Variants in CORO2B observed in about 807,000 individuals in gnomAD.
The protein encoded by CORO2B is coronin-2B.
Under a neutral mutation model 58.8 loss-of-function variants are expected in CORO2B, and 26 were observed. That is an observed-to-expected ratio of 0.44 (90% CI 0.32 to 0.61). The LOEUF (loss-of-function observed/expected upper bound fraction) is 0.61. Among genes scored for constraint, CORO2B ranks in the 20% least tolerant of loss-of-function variants. The pLI is 0.04. For synonymous variants in CORO2B, 242 were observed against 253.8 expected, an observed-to-expected ratio of 0.95 and a Z score of 0.44; for missense variants, 460 against 645.1, an observed-to-expected ratio of 0.71 and a Z score of 3.11.
At chr15:68,708,511 C>G (rs1417480979) in intron 3 of CORO2B, among the ~76,000 whole-genome samples, 1 of 151,888 alleles carries the variant, frequency 6.6e-6, no homozygotes, top group Admixed American at 6.6e-5. Context: ...CAGGTGCCTG[C>G]CACTACGCCT....
intron 2 of CORO2B, among the ~76,000 whole-genome samples, chr15:68,653,912 G>A (rs72748524): frequency 0.027 from 4,046 of 150,798 alleles, 99 homozygotes; most frequent in Middle Eastern, 0.049. Context: ...TGAGGTCTCC[G>A]CCCCTCCAAG....
rs761573119 is a variant in CORO2B at position 68,726,003 on chromosome 15, A to C, written c.*29A>C. ...CCCAGCTGGGCTGTTTTCTAAGCCG[A>C]TCTCTCCGTCGTTTCTACTCATCCC... On this transcript the variant is annotated 3_prime_UTR_variant, in exon 12 of 12. Transcript: ENST00000261861. 2 of 1,610,242 alleles carry C rather than the reference A, an allele frequency of 1.2e-6. No homozygotes were observed. The highest frequency in any genetic ancestry group is 1.7e-6 in the Non-Finnish European group (2 of 1,179,862).
intron 1 of CORO2B, among the ~76,000 whole-genome samples, chr15:68,624,068 G>A (rs1474279690): frequency 6.6e-6 from 1 of 152,140 alleles, no homozygotes; most frequent in Non-Finnish European, 1.5e-5. Context: ...GGGTCCTGCT[G>A]TCTTGAGCAG....
the CORO2B span, among the ~76,000 whole-genome samples, chr15:68,558,089 G>T: frequency 6.6e-6 from 1 of 152,164 alleles, no homozygotes. Context: ...AGGGAGGGTG[G>T]GTGCGGGCAG....
At chr15:68,581,012 T>A (rs1365838395) in intron 1 of CORO2B, among the ~76,000 whole-genome samples, 1 of 152,194 alleles carries the variant, frequency 6.6e-6, no homozygotes, top group Non-Finnish European at 1.5e-5. Flanking sequence ...TCTCAATCTA[T>A]GGCCAGTGAT....
rs184998759 is a variant in CORO2B at position 68,597,453 on chromosome 15, A to C, written c.15+18176A>C. On this transcript the variant is annotated intron_variant, in intron 1 of 11. Coordinates refer to ENST00000261861, the MANE Select transcript of CORO2B (RefSeq NM_006091.5). ...CTGTTATGCCCATTCTGTGAAACTG[A>C]GGCTCCAAGGGGTTAAGCAGCATGC... is the stretch of plus-strand genomic sequence containing the variant. 1.8e-4 allele frequency among the ~76,000 whole-genome samples: 27 copies of C among 152,194 alleles called. 1 individual carries two copies. Among genetic ancestry groups the C allele is most frequent in the Admixed American group, 1.6e-3 (25 of 15,296 alleles).
intron 2 of CORO2B, among the ~76,000 whole-genome samples, chr15:68,672,008 T>A (rs1902411668): frequency 6.6e-6 from 1 of 152,152 alleles, no homozygotes; most frequent in African/African-American, 2.4e-5. Context: ...TGTGCCCAGC[T>A]TTTTTGGAAG....
At chr15:68,601,757 G>A (rs11857348) in intron 1 of CORO2B, among the ~76,000 whole-genome samples, 1 of 152,248 alleles carries the variant, frequency 6.6e-6, no homozygotes, top group African/African-American at 2.4e-5. Flanking sequence ...CTGGGGCTTA[G>A]TGGTGCTGGG....
chr15:68,623,874 C>T (rs1246239832), intron 1 of CORO2B, among the ~76,000 whole-genome samples: 1 of 152,178 alleles, frequency 6.6e-6, no homozygotes, highest in Non-Finnish European at 1.5e-5. Context: ...AGCAGCTTCT[C>T]TCTGCAGCTG....
At chr15:68,711,467 A>T (rs1892915458) in intron 4 of CORO2B, 75 bp from the exon 5 acceptor site, 2 of 1,378,340 alleles carry the variant, frequency 1.5e-6, no homozygotes. Context: ...CAGGGCAGTC[A>T]AGTGTGCACT....
chr15:68,590,110 C>T (rs182861975), intron 1 of CORO2B, among the ~76,000 whole-genome samples: 143 of 152,246 alleles, frequency 9.4e-4, no homozygotes, highest in South Asian at 3.7e-3. Flanking sequence ...TCAGGCCAGA[C>T]CATATCACCA....
intron 1 of CORO2B, among the ~76,000 whole-genome samples, chr15:68,593,274 T>C (rs949437553): frequency 6.6e-6 from 1 of 152,242 alleles, no homozygotes; most frequent in African/African-American, 2.4e-5. Flanking sequence ...GTGTATGACC[T>C]GTTCAACATT....
the CORO2B span, among the ~76,000 whole-genome samples, chr15:68,572,319 C>T: frequency 6.6e-6 from 1 of 152,098 alleles, no homozygotes; most frequent in Non-Finnish European, 1.5e-5. Context: ...TGCTACTGTC[C>T]CTTGCTGGAG....
chr15:68,693,267 G>T (rs1892429600), intron 2 of CORO2B, among the ~76,000 whole-genome samples: 1 of 152,228 alleles, frequency 6.6e-6, no homozygotes, highest in Non-Finnish European at 1.5e-5. Flanking sequence ...CGACAGAGAT[G>T]CAGGCAGGAA....
At chr15:68,530,199 C>T in the CORO2B span, among the ~76,000 whole-genome samples, 4 of 152,134 alleles carry the variant, frequency 2.6e-5, no homozygotes, top group Non-Finnish European at 5.9e-5. Flanking sequence ...GTGGCAGGCG[C>T]CTGTAGTCCC....
chr15:68,603,301 G>A (rs1900029016), intron 1 of CORO2B, among the ~76,000 whole-genome samples: 1 of 152,178 alleles, frequency 6.6e-6, no homozygotes, highest in African/African-American at 2.4e-5. Flanking sequence ...ACGAGTGGAT[G>A]GATGGGAGGG....
intron 1 of CORO2B, among the ~76,000 whole-genome samples, chr15:68,584,473 G>T (rs1232828200): frequency 6.6e-6 from 1 of 152,204 alleles, no homozygotes; most frequent in Non-Finnish European, 1.5e-5. Flanking sequence ...GGCTGGTTGG[G>T]AGTGTGGGCG....
chr15:68,568,798 G>C, the CORO2B span, among the ~76,000 whole-genome samples: 3 of 152,106 alleles, frequency 2.0e-5, no homozygotes, highest in African/African-American at 7.2e-5. Context: ...TGGACACAGG[G>C]AGGGGAGCAA....
At chr15:68,521,847 G>A in the CORO2B span, among the ~76,000 whole-genome samples, 3 of 151,378 alleles carry the variant, frequency 2.0e-5, no homozygotes, top group Non-Finnish European at 4.4e-5. Flanking sequence ...GCTCAAGCAA[G>A]TAGATGGGTT....
Sources: gnomAD v4.1 joint callset for allele counts (sites outside exome capture counted in the v4.1 genomes callset) on GRCh38, gnomAD v4.1.1 for gene constraint, MANE v1.5 for transcripts, NCBI Gene and HGNC (gene_info 2026-07-23, HGNC 2026-07-21) for gene names.